WWP2: variants seen among roughly 807,000 people sequenced by gnomAD.
The protein encoded by WWP2 is WW domain containing E3 ubiquitin protein ligase 2.
In WWP2, 57 loss-of-function variants were observed where a neutral mutation model predicts 121.0. The observed-to-expected ratio is 0.47, with a 90% CI of 0.38 to 0.59. The LOEUF (loss-of-function observed/expected upper bound fraction) is 0.59, where lower values mean the gene tolerates loss of function less well. WWP2 is among the 20% of genes least tolerant of loss of function. WWP2 has a pLI of 0.00. For synonymous variants in WWP2, 449 were observed against 441.3 expected, an observed-to-expected ratio of 1.02 and a Z score of -0.22; for missense variants, 962 against 1,158.9, an observed-to-expected ratio of 0.83 and a Z score of 2.47.
At chr16:69,806,197 T>C (rs2056271271) in intron 4 of WWP2, among the ~76,000 whole-genome samples, 1 of 152,170 alleles carries the variant, frequency 6.6e-6, no homozygotes, top group Non-Finnish European at 1.5e-5. Context: ...TGAGACCCTG[T>C]CTCTAGAAAA....
intron 1 of WWP2, among the ~76,000 whole-genome samples, chr16:69,786,352 G>T (rs901773756): frequency 2.7e-5 from 4 of 150,940 alleles, no homozygotes; most frequent in African/African-American, 7.3e-5. Flanking sequence ...CATCATCTTG[G>T]CCAGACTGGT....
At chr16:69,848,060 C>T (rs991478657) in intron 6 of WWP2, among the ~76,000 whole-genome samples, 2 of 152,152 alleles carry the variant, frequency 1.3e-5, no homozygotes, top group Admixed American at 1.3e-4. Flanking sequence ...AATGGAACAA[C>T]AACAACAAAA....
intron 8 of WWP2, among the ~76,000 whole-genome samples, chr16:69,891,830 C>T (rs1045957441): frequency 6.6e-6 from 1 of 152,216 alleles, no homozygotes; most frequent in African/African-American, 2.4e-5. Flanking sequence ...TGGTCCCCCT[C>T]CTGGGAATGG....
At chr16:69,804,816 G>A (rs1056010483) in intron 4 of WWP2, among the ~76,000 whole-genome samples, 1 of 151,904 alleles carries the variant, frequency 6.6e-6, no homozygotes, top group Non-Finnish European at 1.5e-5. Context: ...ATAGGAACAT[G>A]GAATGTTTCT....
chr16:69,846,862 G>C (rs1054348539), intron 6 of WWP2, among the ~76,000 whole-genome samples: 1 of 152,066 alleles, frequency 6.6e-6, no homozygotes, highest in East Asian at 1.9e-4. Context: ...CTTTGCCTGG[G>C]TGGTGGCTCC....
At chr16:69,924,125 A>C (rs1042906926) in intron 10 of WWP2, among the ~76,000 whole-genome samples, 1 of 152,226 alleles carries the variant, frequency 6.6e-6, no homozygotes. Flanking sequence ...TCAAGAGCCT[A>C]TGGTTTCAAG....
intron 11 of WWP2, among the ~76,000 whole-genome samples, chr16:69,926,513 C>T (rs960041353): frequency 1.7e-4 from 26 of 152,132 alleles, no homozygotes; most frequent in African/African-American, 6.3e-4. Context: ...AGGTTTGGAG[C>T]TGGATCTTCT....
At chr16:69,800,327 C>G (rs1317719725) in intron 4 of WWP2, among the ~76,000 whole-genome samples, 1 of 152,124 alleles carries the variant, frequency 6.6e-6, no homozygotes, top group Non-Finnish European at 1.5e-5. Flanking sequence ...AAACCCTAGC[C>G]AGCCTTTTGT....
At chr16:69,780,686 A>G (rs1186294442) in intron 1 of WWP2, among the ~76,000 whole-genome samples, 1 of 152,180 alleles carries the variant, frequency 6.6e-6, no homozygotes, top group African/African-American at 2.4e-5. Flanking sequence ...TTGCCAAGAC[A>G]AATTTAGTCT....
chr16:69,849,019 C>T (rs889041323), intron 6 of WWP2, among the ~76,000 whole-genome samples: 1 of 152,220 alleles, frequency 6.6e-6, no homozygotes, highest in Non-Finnish European at 1.5e-5. Context: ...CATTAACGGC[C>T]TCTGAAGATT....
intron 12 of WWP2, 83 bp downstream of exon 12, chr16:69,929,612 A>T (rs1380876180): frequency 1.1e-5 from 14 of 1,248,678 alleles, no homozygotes; most frequent in Non-Finnish European, 1.6e-5. Context: ...TTTGGACTGC[A>T]TCGTCCCAGA....
intron 1 of WWP2, among the ~76,000 whole-genome samples, chr16:69,765,751 G>C (rs116492386): frequency 2.6e-5 from 4 of 152,272 alleles, no homozygotes; most frequent in South Asian, 4.1e-4. Context: ...TTGAGCTCGG[G>C]AGATGGAGGT....
chr16:69,826,961 G>T (rs372182013), intron 4 of WWP2, among the ~76,000 whole-genome samples: 18 of 133,752 alleles, frequency 1.3e-4, no homozygotes, highest in Middle Eastern at 3.7e-3. Context: ...AAAAGGGGGG[G>T]GGGCGGAGAG....
chr16:69,938,126 C>T (rs965571943), intron 21 of WWP2, among the ~76,000 whole-genome samples: 3 of 151,876 alleles, frequency 2.0e-5, no homozygotes, highest in South Asian at 2.1e-4. Context: ...TGCATATGTA[C>T]GTATACAAAT....
intron 5 of WWP2, among the ~76,000 whole-genome samples, chr16:69,841,333 G>A (rs968342103): frequency 2.0e-5 from 3 of 152,164 alleles, no homozygotes; most frequent in South Asian, 2.1e-4. Context: ...CTAAGTTGCG[G>A]GGTCAGGGAA....
chr16:69,812,412 G>A (rs377659131), intron 4 of WWP2, among the ~76,000 whole-genome samples: 4 of 150,154 alleles, frequency 2.7e-5, no homozygotes, highest in Non-Finnish European at 5.9e-5. Context: ...TAACCTGCCC[G>A]CCTCGGCCTC....
intron 4 of WWP2, among the ~76,000 whole-genome samples, chr16:69,839,656 A>C (rs1167651017): frequency 6.6e-6 from 1 of 152,264 alleles, no homozygotes; most frequent in Non-Finnish European, 1.5e-5. Flanking sequence ...TTAAAAAACA[A>C]CATCATGTTT....
At chr16:69,894,053 G>C (rs538642824) in intron 8 of WWP2, among the ~76,000 whole-genome samples, 6 of 151,724 alleles carry the variant, frequency 4.0e-5, no homozygotes, top group African/African-American at 1.5e-4. Context: ...GGATCTCATG[G>C]CTGTATTTTT....
intron 4 of WWP2, among the ~76,000 whole-genome samples, chr16:69,815,622 A>G (rs963244899): frequency 1.7e-4 from 26 of 151,852 alleles, no homozygotes; most frequent in African/African-American, 6.3e-4. Flanking sequence ...CCCCGTCTCT[A>G]CTAAAAATAC....
Sources: allele counts gnomAD v4.1 joint callset (sites outside exome capture counted in the v4.1 genomes callset), GRCh38; gene constraint gnomAD v4.1.1; transcripts MANE v1.5; gene names NCBI Gene and HGNC (gene_info 2026-07-23, HGNC 2026-07-21).